Variants in PTPRD observed in about 807,000 individuals in gnomAD.
The protein encoded by PTPRD is protein tyrosine phosphatase receptor type D.
PTPRD carries 34 observed loss-of-function variants against 214.5 expected under a neutral mutation model. The ratio of observed to expected loss-of-function variants is 0.16; its 90% CI spans 0.12 to 0.21. PTPRD has a LOEUF of 0.21. Ranked by LOEUF, PTPRD falls within the 10% of genes least tolerant of loss-of-function variation. PTPRD has a pLI of 1.00. For missense variants in PTPRD, 2,545 were observed against 2,398.7 expected, an observed-to-expected ratio of 1.06 and a Z score of -1.27; for synonymous variants, 1,128 against 845.7, an observed-to-expected ratio of 1.33 and a Z score of -5.79.
At chr9:9,280,181 C>G (rs1947157138) in intron 9 of PTPRD, among the ~76,000 whole-genome samples, 1 of 151,192 alleles carries the variant, frequency 6.6e-6, no homozygotes, top group African/African-American at 2.4e-5. Flanking sequence ...TCAATTATTT[C>G]TACATGAATA....
intron 3 of PTPRD, among the ~76,000 whole-genome samples, chr9:10,171,811 C>T (rs1209540153): frequency 6.6e-6 from 1 of 152,188 alleles, no homozygotes; most frequent in Non-Finnish European, 1.5e-5. Flanking sequence ...GCATGAGCCA[C>T]CGCGCCTGGC....
At chr9:9,480,682 A>G (rs1463684383) in intron 8 of PTPRD, among the ~76,000 whole-genome samples, 1 of 152,144 alleles carries the variant, frequency 6.6e-6, no homozygotes. Context: ...TATATACCAT[A>G]TATTTTTTAG....
chr9:8,736,721 G>C (rs1211675760), intron 11 of PTPRD, among the ~76,000 whole-genome samples: 2 of 150,370 alleles, frequency 1.3e-5, no homozygotes, highest in South Asian at 2.1e-4. Flanking sequence ...TTTTTAAACA[G>C]TGGGTTGGCA....
chr9:9,737,421 G>C (rs1313760503), intron 6 of PTPRD, among the ~76,000 whole-genome samples: 1 of 151,940 alleles, frequency 6.6e-6, no homozygotes, highest in Non-Finnish European at 1.5e-5. Flanking sequence ...TGTTCAGTTT[G>C]TGCAAAGATA....
chr9:10,363,783 A>C (rs2097444030), intron 2 of PTPRD, among the ~76,000 whole-genome samples: 1 of 152,092 alleles, frequency 6.6e-6, no homozygotes, highest in Non-Finnish European at 1.5e-5. Context: ...TTGCAATGAA[A>C]AGGTCAGGCT....
chr9:9,603,977 A>G (rs915201593), intron 7 of PTPRD, among the ~76,000 whole-genome samples: 1 of 152,052 alleles, frequency 6.6e-6, no homozygotes, highest in Non-Finnish European at 1.5e-5. Context: ...AAGAAATACA[A>G]CTCATTAAAA....
chr9:9,226,115 G>A (rs2099959311), intron 9 of PTPRD, among the ~76,000 whole-genome samples: 1 of 151,874 alleles, frequency 6.6e-6, no homozygotes, highest in South Asian at 2.1e-4. Flanking sequence ...GATATTATTT[G>A]CACTTAAAAG....
rs2098984746 is a variant in PTPRD, at chr9:10,141,494, A to G, written c.-544-107704T>C. Among the ~76,000 whole-genome samples, 3 of 152,180 alleles carry G rather than the reference A, an allele frequency of 2.0e-5. No individual in the cohort carries two copies. The South Asian group carries it at 6.2e-4, about 32-fold the overall frequency. ...AGAGCCAAATCATGAGTGAACTCCC[A>G]TTCACAATTGCTTCAAAGAGAATAA... On this transcript the variant is annotated intron_variant, in intron 3 of 45. Transcript: ENST00000381196.
intron 7 of PTPRD, among the ~76,000 whole-genome samples, chr9:9,590,245 A>C (rs562564371): frequency 6.6e-6 from 1 of 151,814 alleles, no homozygotes; most frequent in Non-Finnish European, 1.5e-5. Flanking sequence ...TATCACAAGA[A>C]TTTTTTTCTG....
intron 5 of PTPRD, among the ~76,000 whole-genome samples, chr9:9,901,361 G>C (rs925024113): frequency 6.6e-6 from 1 of 152,042 alleles, no homozygotes; most frequent in Non-Finnish European, 1.5e-5. Context: ...AAAACCTAGA[G>C]GCAACATGTG....
At chr9:9,669,831 A>C (rs960958698) in intron 7 of PTPRD, among the ~76,000 whole-genome samples, 5 of 152,144 alleles carry the variant, frequency 3.3e-5, no homozygotes, top group African/African-American at 4.8e-5. Context: ...ATTATCAGCA[A>C]ATTTAGATAG....
At chr9:10,005,534 G>C (rs1425849489) in intron 4 of PTPRD, among the ~76,000 whole-genome samples, 1 of 152,050 alleles carries the variant, frequency 6.6e-6, no homozygotes, top group Non-Finnish European at 1.5e-5. Flanking sequence ...TTATCAGAAA[G>C]TCGAGAATTT....
chr9:9,732,004 C>A (rs77795255), intron 7 of PTPRD, among the ~76,000 whole-genome samples: 1 of 152,064 alleles, frequency 6.6e-6, no homozygotes, highest in Admixed American at 6.6e-5. Flanking sequence ...TATGCTTTGT[C>A]ATCTTAAAAA....
intron 3 of PTPRD, among the ~76,000 whole-genome samples, chr9:10,293,358 G>GAC (rs1323663612): frequency 6.6e-6 from 1 of 151,850 alleles, no homozygotes; most frequent in African/African-American, 2.4e-5. Context: ...TTTAAAAACA[G>GAC]ACACACACAT....
At chr9:9,867,561 A>T (rs1156434942) in intron 5 of PTPRD, among the ~76,000 whole-genome samples, 1 of 152,136 alleles carries the variant, frequency 6.6e-6, no homozygotes. Context: ...TTTCCTCATA[A>T]ATGTGACCAG....
At position 8,943,804 on chromosome 9, in the gene PTPRD, A is replaced by G. The variant is rs766173501; in HGVS notation, c.-104+74893T>C. On this transcript the variant is annotated intron_variant, in intron 11 of 45. Transcript: ENST00000381196. ...TAAGACTTCAAACTATGAAACCACT[A>G]AAAAAAATGGAAGAAACTCAAAGAC... is the stretch of plus-strand genomic sequence containing the variant. 2.6e-5 allele frequency among the ~76,000 whole-genome samples: 4 copies of G among 151,264 alleles called. 1 individual carries two copies. Among genetic ancestry groups the G allele is most frequent in the Non-Finnish European group, 5.9e-5 (4 of 67,760 alleles).
intron 11 of PTPRD, among the ~76,000 whole-genome samples, chr9:8,834,309 A>G (rs1047633336): frequency 6.6e-6 from 1 of 152,094 alleles, no homozygotes. Flanking sequence ...TTTTATTTTG[A>G]AAATTTTCAT....
chr9:10,548,954 A>G (rs1181791097), intron 2 of PTPRD, among the ~76,000 whole-genome samples: 3 of 152,194 alleles, frequency 2.0e-5, no homozygotes, highest in Non-Finnish European at 4.4e-5. Flanking sequence ...GCAAAGGAAA[A>G]TAAGAGAAAA....
intron 5 of PTPRD, among the ~76,000 whole-genome samples, chr9:9,779,577 C>A (rs1350272214): frequency 6.6e-6 from 1 of 152,080 alleles, no homozygotes; most frequent in Non-Finnish European, 1.5e-5. Flanking sequence ...AAAAGACAAA[C>A]AGGCAGCCAA....
Sources: gnomAD v4.1 joint callset for allele counts (sites outside exome capture counted in the v4.1 genomes callset) on GRCh38, gnomAD v4.1.1 for gene constraint, MANE v1.5 for transcripts, NCBI Gene and HGNC (gene_info 2026-07-23, HGNC 2026-07-21) for gene names.